Variants in CDIN1 observed in about 807,000 individuals in gnomAD.
The protein encoded by CDIN1 is CDAN1-interacting nuclease 1.
A neutral mutation model predicts 45.3 loss-of-function variants in CDIN1; 33 were observed. The observed-to-expected ratio is 0.73, with a 90% CI of 0.55 to 0.97. The LOEUF is 0.97. Among genes scored for constraint, CDIN1 ranks in the 50% least tolerant of loss-of-function variants. The probability of loss-of-function intolerance (pLI) is 0.00; values close to 1 mark genes in which losing one functional copy is unlikely to be tolerated. For missense variants in CDIN1, 303 were observed against 339.4 expected, an observed-to-expected ratio of 0.89 and a Z score of 0.84; for synonymous variants, 118 against 124.4, an observed-to-expected ratio of 0.95 and a Z score of 0.34.
intron 10 of CDIN1, among the ~76,000 whole-genome samples, chr15:36,742,411 A>C (rs1222647225): frequency 6.6e-6 from 1 of 152,080 alleles, no homozygotes; most frequent in African/African-American, 2.4e-5. Context: ...TTTTCTCTTT[A>C]GTGTTTGTTC....
chr15:36,676,657 C>T (rs945628646), intron 5 of CDIN1, among the ~76,000 whole-genome samples: 2 of 152,096 alleles, frequency 1.3e-5, no homozygotes, highest in Non-Finnish European at 2.9e-5. Flanking sequence ...CAGTAAATTT[C>T]GGTAGGTCTT....
At chr15:36,671,450 T>C (rs1193683213) in intron 5 of CDIN1, among the ~76,000 whole-genome samples, 1 of 152,146 alleles carries the variant, frequency 6.6e-6, no homozygotes, top group South Asian at 2.1e-4. Flanking sequence ...TGTCTTATTT[T>C]TTAAAATCAT....
chr15:36,647,207 A>G (rs550665005), intron 3 of CDIN1, among the ~76,000 whole-genome samples: 1 of 151,754 alleles, frequency 6.6e-6, no homozygotes, highest in East Asian at 1.9e-4. Flanking sequence ...AAAAAAGTTT[A>G]TAGAGACAGG....
chr15:36,652,006 A>G (rs2040594528), intron 3 of CDIN1, among the ~76,000 whole-genome samples: 1 of 152,230 alleles, frequency 6.6e-6, no homozygotes, highest in Admixed American at 6.5e-5. Context: ...GATCTCTGGT[A>G]TAAAAGGTAG....
At chr15:36,807,573 C>T (rs1343939574) in intron 10 of CDIN1, among the ~76,000 whole-genome samples, 2 of 152,052 alleles carry the variant, frequency 1.3e-5, no homozygotes, top group African/African-American at 2.4e-5. Flanking sequence ...GTCTGCCTGG[C>T]GGGGATCAGT....
chr15:36,757,444 C>T (rs2030484862), intron 10 of CDIN1, among the ~76,000 whole-genome samples: 1 of 152,152 alleles, frequency 6.6e-6, no homozygotes, highest in Non-Finnish European at 1.5e-5. Flanking sequence ...ATGCAGTAGT[C>T]CCTTTCTAGT....
At chr15:36,746,752 CTTTTTTTTTTTTT>C (rs760613983) in intron 10 of CDIN1, among the ~76,000 whole-genome samples, 3 of 74,352 alleles carry the variant, frequency 4.0e-5, no homozygotes, top group East Asian at 4.6e-4. Context: ...GGAAACGTGT[CTTTTTTTTTTTTT>C]TTTTTTTTTT....
chr15:36,648,471 G>A (rs1463175205), intron 3 of CDIN1: 6 of 111,086 alleles, frequency 5.4e-5, no homozygotes, highest in African/African-American at 2.2e-4. Flanking sequence ...TCCCTCTGTC[G>A]CCCAGGCTGG....
At chr15:36,599,896 T>C (rs1290793130) in intron 1 of CDIN1, among the ~76,000 whole-genome samples, 1 of 152,216 alleles carries the variant, frequency 6.6e-6, no homozygotes, top group Non-Finnish European at 1.5e-5. Flanking sequence ...CACTGTTACA[T>C]TTTCACAATA....
chr15:36,708,964 G>T, intron 8 of CDIN1: 1 of 314,658 alleles, frequency 3.2e-6, no homozygotes, highest in East Asian at 5.3e-5. Context: ...AAAAAAGGTA[G>T]TATATGACAG....
At chr15:36,753,166 A>G (rs1189829349) in intron 10 of CDIN1, among the ~76,000 whole-genome samples, 4 of 152,244 alleles carry the variant, frequency 2.6e-5, no homozygotes, top group African/African-American at 9.6e-5. Context: ...AATTTCAGCA[A>G]TTGAACAACA....
At position 36,810,034 on chromosome 15, in the gene CDIN1, G is replaced by GAT. The variant is rs993795969; in HGVS notation, c.*1583_*1584dup. The GAT allele has an allele frequency of 2.5e-4, 8 of 31,938 alleles. No homozygotes were observed. The highest frequency in any genetic ancestry group is 4.1e-4 in the African/African-American group (8 of 19,312). 2.0% of individuals were successfully genotyped at this position (31,938 alleles called of 1,614,324 possible). A position where few individuals can be genotyped will look rare whatever the true frequency, so the allele number is the denominator to read the frequency against. The stretch of plus-strand genomic sequence containing the variant: ...TTTGAAACCACTACTGTATTGCCTG[G>GAT]ATACACACACACACACACACACACA... On this transcript the variant is annotated 3_prime_UTR_variant, in exon 11 of 11. Coordinates refer to ENST00000566621, the MANE Select transcript of CDIN1 (RefSeq NM_001321759.2).
intron 5 of CDIN1, among the ~76,000 whole-genome samples, chr15:36,691,460 C>T (rs2042248213): frequency 6.6e-6 from 1 of 151,246 alleles, no homozygotes. Context: ...TGTTAATTTA[C>T]CTTGGAAAAA....
intron 5 of CDIN1, among the ~76,000 whole-genome samples, chr15:36,671,413 G>A (rs952327542): frequency 1.3e-5 from 2 of 152,076 alleles, no homozygotes; most frequent in Admixed American, 1.3e-4. Flanking sequence ...TGAAAAAAGG[G>A]CAGATTTTTT....
At chr15:36,642,594 C>T (rs560241146) in intron 1 of CDIN1, among the ~76,000 whole-genome samples, 1 of 152,196 alleles carries the variant, frequency 6.6e-6, no homozygotes, top group Non-Finnish European at 1.5e-5. Context: ...CTATCCTTGG[C>T]TTATACAGTA....
rs191654610 is a variant in CDIN1 at position 36,632,180 on chromosome 15, C to T, written c.102-12098C>T. ...TTGAGAAACAAACTGTTTTCCAAAG[C>T]GGCTACACCATTTTGCAATCTCACC... is the stretch of plus-strand genomic sequence containing the variant. On this transcript the variant is annotated intron_variant, in intron 1 of 10. Transcript: ENST00000566621. Among the ~76,000 whole-genome samples, 12 of 152,212 alleles carry T rather than the reference C, an allele frequency of 7.9e-5. No individual in the cohort carries two copies. In the East Asian group the frequency reaches 2.1e-3, roughly 27 times the overall value.
chr15:36,625,114 A>G (rs2039360826), intron 1 of CDIN1, among the ~76,000 whole-genome samples: 1 of 151,872 alleles, frequency 6.6e-6, no homozygotes, highest in African/African-American at 2.4e-5. Flanking sequence ...CGTCTCTACT[A>G]AAAATACAAA....
At chr15:36,753,840 A>G (rs80246597) in intron 10 of CDIN1, among the ~76,000 whole-genome samples, 5,722 of 152,190 alleles carry the variant, frequency 0.038, 386 homozygotes, top group African/African-American at 0.13. Context: ...CCAGAAAAGG[A>G]CTAAAAAGAA....
intron 3 of CDIN1, among the ~76,000 whole-genome samples, chr15:36,650,918 C>G (rs981501750): frequency 6.6e-6 from 1 of 151,980 alleles, no homozygotes; most frequent in African/African-American, 2.4e-5. Context: ...CAAAAACTAG[C>G]CAGGTGTGGT....
Sources: allele counts gnomAD v4.1 joint callset (sites outside exome capture counted in the v4.1 genomes callset), GRCh38; gene constraint gnomAD v4.1.1; transcripts MANE v1.5; gene names NCBI Gene and HGNC (gene_info 2026-07-23, HGNC 2026-07-21).